CARF: variants seen among roughly 807,000 people sequenced by gnomAD.
The protein encoded by CARF is calcium-responsive transcription factor.
A neutral mutation model predicts 82.0 loss-of-function variants in CARF; 57 were observed. The observed-to-expected ratio is 0.70, with a 90% CI of 0.56 to 0.87. CARF has a LOEUF of 0.87. Among genes scored for constraint, CARF ranks in the 40% least tolerant of loss-of-function variants. The pLI is 0.00. For synonymous variants in CARF, 268 were observed against 290.1 expected, an observed-to-expected ratio of 0.92 and a Z score of 0.77; for missense variants, 771 against 855.8, an observed-to-expected ratio of 0.90 and a Z score of 1.24.
At position 202,983,942 on chromosome 2, in the gene CARF, T is replaced by C. The variant is rs888790159; in HGVS notation, c.*318T>C. The stretch of plus-strand genomic sequence containing the variant: ...TTTACTTAACTTATCCTTGGAAATA[T>C]TCAATTTTGGTTATTACAAAACAGA... On this transcript the variant is annotated 3_prime_UTR_variant, in exon 17 of 17. Transcript: ENST00000438828. 4.5e-5 allele frequency: 9 copies of C among 200,488 alleles called. No individual in the cohort carries two copies. The highest frequency in any genetic ancestry group is 2.0e-5 in the Non-Finnish European group (2 of 101,218). 12.4% of individuals were successfully genotyped at this position (200,488 alleles called of 1,614,324 possible).
At chr2:202,956,306 A>G (rs2059039303) in intron 8 of CARF, among the ~76,000 whole-genome samples, 1 of 151,982 alleles carries the variant, frequency 6.6e-6, no homozygotes, top group South Asian at 2.1e-4. Context: ...CCCAGGCTGT[A>G]GTGTAGTGGT....
chr2:202,916,366 A>G (rs1376005760), intron 1 of CARF, among the ~76,000 whole-genome samples: 1 of 151,916 alleles, frequency 6.6e-6, no homozygotes, highest in East Asian at 1.9e-4. Flanking sequence ...TATTTTTAGT[A>G]GAGATGGGGT....
chr2:202,971,259 A>C (rs918816784), intron 11 of CARF, among the ~76,000 whole-genome samples: 2 of 152,150 alleles, frequency 1.3e-5, no homozygotes, highest in African/African-American at 4.8e-5. Context: ...GTAGGACCAC[A>C]GTGAAAGTCT....
Position 202,986,897 on chromosome 2 carries a change from T to TATACATATATATATATATAC in CARF, c.*3276_*3277insCATATATATATATATACATA, listed in dbSNP as rs1429542495. 5.1e-5 allele frequency: 7 copies of TATACATATATATATATATAC among 135,932 alleles called. No homozygotes were observed. Among genetic ancestry groups the TATACATATATATATATATAC allele is most frequent in the Non-Finnish European group, 8.0e-5 (5 of 62,588 alleles). 8.4% of individuals were successfully genotyped at this position (135,932 alleles called of 1,614,324 possible). On this transcript the variant is annotated 3_prime_UTR_variant, in exon 17 of 17. Transcript: ENST00000438828. ...ATATATATATATATATATATATATA[T>TATACATATATATATATATAC]ATATATATATAGCAACTTGATGTAT...
At chr2:202,938,661 T>G (rs1325204881) in intron 3 of CARF, among the ~76,000 whole-genome samples, 8 of 36,028 alleles carry the variant, frequency 2.2e-4, no homozygotes, top group Non-Finnish European at 9.6e-4. Flanking sequence ...TTTTTTTTGT[T>G]TTTTTTTTGT....
At chr2:202,951,962 A>G (rs966605110) in intron 5 of CARF, among the ~76,000 whole-genome samples, 6 of 151,710 alleles carry the variant, frequency 4.0e-5, no homozygotes, top group African/African-American at 1.5e-4. Flanking sequence ...CCTCCTGAGT[A>G]CCTGGGATTA....
intron 3 of CARF, among the ~76,000 whole-genome samples, chr2:202,936,341 C>T (rs1693943357): frequency 6.6e-6 from 1 of 152,090 alleles, no homozygotes; most frequent in South Asian, 2.1e-4. Context: ...AATTTACTGA[C>T]AGTTCATTCA....
chr2:202,957,100 A>T (rs1412778422), intron 8 of CARF, among the ~76,000 whole-genome samples: 1 of 152,094 alleles, frequency 6.6e-6, no homozygotes, highest in Non-Finnish European at 1.5e-5. Flanking sequence ...TAGTCACCAG[A>T]TTCTTTTAGT....
chr2:202,956,294 C>G (rs1018459916), intron 8 of CARF, among the ~76,000 whole-genome samples: 1 of 152,034 alleles, frequency 6.6e-6, no homozygotes, highest in African/African-American at 2.4e-5. Context: ...CTCCCTCTGT[C>G]CCCCAGGCTG....
intron 2 of CARF, among the ~76,000 whole-genome samples, chr2:202,918,588 CAGTT>C (rs1242038549): frequency 1.3e-5 from 2 of 151,952 alleles, no homozygotes; most frequent in Non-Finnish European, 2.9e-5. Flanking sequence ...AGTTAATTGG[CAGTT>C]AGGGATAAAA....
rs1418035697 is a variant in CARF, at chr2:202,984,486, G to A, written c.*862G>A. 2 of 152,126 alleles carry A rather than the reference G, an allele frequency of 1.3e-5. No homozygotes were observed. Among genetic ancestry groups the A allele is most frequent in the Non-Finnish European group, 2.9e-5 (2 of 67,998 alleles). 9.4% of individuals were successfully genotyped at this position (152,126 alleles called of 1,614,324 possible). ...TAATTTGGAAAACTTTTTGATGACA[G>A]CAGAGGATTTTTTCCCCCTTATTTT... On this transcript the variant is annotated 3_prime_UTR_variant, in exon 17 of 17. Coordinates refer to ENST00000438828, the MANE Select transcript of CARF (RefSeq NM_024744.17).
At chr2:202,977,654 C>T (rs959440944) in intron 14 of CARF, among the ~76,000 whole-genome samples, 2 of 152,118 alleles carry the variant, frequency 1.3e-5, no homozygotes, top group African/African-American at 2.4e-5. Flanking sequence ...CCATTTTTTA[C>T]GGTTGCTTTT....
Position 202,982,150 on chromosome 2 carries a change from A to C in CARF, c.1768A>C (p.Ser590Arg), listed in dbSNP as rs1043453131. ...ATCAGTAAATAACCAGCCGTCCTCT[A>C]GTCCTTCAGGACTTCTGGATACAAT... Reference protein sequence around the residue: ...VVSVNNQPSSSPSGLLDTIGS... With the variant: ...VVSVNNQPSSRPSGLLDTIGS... The change falls in exon 16 of 17, where the codon AGT becomes CGT. Residue 590 changes from serine to arginine, a missense_variant. Ser to Arg is a moderately radical substitution (Grantham distance 110). Transcript: ENST00000438828. The C allele has an allele frequency of 6.2e-7, 1 of 1,614,064 alleles. No individual in the cohort carries two copies. Among genetic ancestry groups the C allele is most frequent in the African/African-American group, 1.3e-5 (1 of 74,952 alleles).
At chr2:202,967,238 C>A in intron 10 of CARF, 140 bp downstream of exon 10, 2 of 936,442 alleles carry the variant, frequency 2.1e-6, no homozygotes, top group Non-Finnish European at 3.1e-6. Context: ...TTTGTTCTGT[C>A]TTTAAAGCAA....
At chr2:202,978,266 A>G (rs1279491970) in intron 14 of CARF, among the ~76,000 whole-genome samples, 2 of 152,202 alleles carry the variant, frequency 1.3e-5, no homozygotes, top group Non-Finnish European at 2.9e-5. Context: ...CTAGATTTGT[A>G]AAGTTGAGTA....
chr2:202,916,402 C>T (rs1224761885), intron 1 of CARF, among the ~76,000 whole-genome samples: 2 of 151,968 alleles, frequency 1.3e-5, no homozygotes, highest in Non-Finnish European at 2.9e-5. Flanking sequence ...AGGATGGTCT[C>T]AATCTCTTAA....
At position 202,942,768 on chromosome 2, in the gene CARF, C is replaced by G. The variant is rs1482150580; in HGVS notation, c.107C>G (p.Ser36Cys). The part of the protein sequence containing the change: ...EHLICMDSRD[S>C]SFGQNDSPTV... ...CTAATCTGTATGGACTCCAGGGATTCTTCCTTTGGACAAAATGATTCTCCT... is the reference window on the plus strand; with the variant it reads ...CTAATCTGTATGGACTCCAGGGATTGTTCCTTTGGACAAAATGATTCTCCT... Residue 36 changes from serine to cysteine, a missense_variant, in exon 5 of 17, where the codon TCT becomes TGT. Transcript: ENST00000438828. 3.1e-6 allele frequency: 5 copies of G among 1,613,502 alleles called. No homozygotes were observed. The South Asian group carries it at 5.5e-5, about 18-fold the overall frequency.
At position 202,935,651 on chromosome 2, in the gene CARF, C is replaced by G. The variant is rs547198503; in HGVS notation, c.-43-6209C>G. Among the ~76,000 whole-genome samples the G allele has an allele frequency of 3.9e-5, 6 of 152,092 alleles. No individual in the cohort carries two copies. In the South Asian group the frequency reaches 1.2e-3, roughly 32 times the overall value. On this transcript the variant is annotated intron_variant, in intron 3 of 16. Coordinates refer to ENST00000438828, the MANE Select transcript of CARF (RefSeq NM_024744.17). ...TGTTGCCCAGGCTAGTGTCAAACTCCTGGGTTCCGGTGATCCACCCACCTC... is the reference window on the plus strand; with the variant it reads ...TGTTGCCCAGGCTAGTGTCAAACTCGTGGGTTCCGGTGATCCACCCACCTC...
chr2:202,973,390 T>C (rs2059886843), intron 12 of CARF: 1 of 418,208 alleles, frequency 2.4e-6, no homozygotes, highest in South Asian at 1.8e-5. Context: ...TGTTAAATTT[T>C]ATCATTTCTT....
Sources: gnomAD v4.1 joint callset for allele counts (sites outside exome capture counted in the v4.1 genomes callset) on GRCh38, gnomAD v4.1.1 for gene constraint, MANE v1.5 for transcripts, NCBI Gene and HGNC (gene_info 2026-07-23, HGNC 2026-07-21) for gene names.